PCDHGA2: variants seen among roughly 807,000 people sequenced by gnomAD.
PCDHGA2 encodes protocadherin gamma-A2.
Under a neutral mutation model 59.2 loss-of-function variants are expected in PCDHGA2, and 40 were observed. The ratio of observed to expected loss-of-function variants is 0.68; its 90% CI spans 0.52 to 0.88. The LOEUF (loss-of-function observed/expected upper bound fraction) is 0.88. Ranked by LOEUF, PCDHGA2 falls within the 40% of genes least tolerant of loss-of-function variation. The probability of loss-of-function intolerance (pLI) is 0.00; values close to 1 mark genes in which losing one functional copy is unlikely to be tolerated. For missense variants in PCDHGA2, 1,226 were observed against 1,204.0 expected (o/e 1.02, Z -0.27); for synonymous variants, 560 against 526.0 (o/e 1.06, Z -0.89).
At chr5:141,403,674 T>C in intron 1 of PCDHGA2, 2 of 1,613,812 alleles carry the variant, frequency 1.2e-6, no homozygotes, top group South Asian at 2.2e-5. Flanking sequence ...AATGCCCCGG[T>C]TTTTGCTCAA....
intron 1 of PCDHGA2, chr5:141,403,617 G>C: frequency 6.2e-7 from 1 of 1,613,856 alleles, no homozygotes; most frequent in Non-Finnish European, 8.5e-7. Flanking sequence ...GAGCCGCGTC[G>C]CTCCAGCACA....
chr5:141,377,940 A>G (rs112263014), intron 1 of PCDHGA2: 1 of 152,188 alleles, frequency 6.6e-6, no homozygotes, highest in Non-Finnish European at 1.5e-5. Context: ...TGCTGCTTAT[A>G]GAGTGTGTAT....
Position 141,431,354 on chromosome 5 carries a change from G to GCC in PCDHGA2, c.2425-63451_2425-63450dup. The GCC allele has an allele frequency of 6.2e-7, 1 of 1,614,036 alleles. No individual in the cohort carries two copies. Among genetic ancestry groups the GCC allele is most frequent in the African/African-American group, 1.3e-5 (1 of 75,052 alleles). On this transcript the variant is annotated intron_variant, in intron 1 of 3. Transcript: ENST00000394576. This position sits in a 1 kb window ranked among gnomAD's most constrained non-coding sequence, Gnocchi z 4.8. Reference sequence around the variant, plus strand: ...GTACCCCGAATTGGTGCTGAAACGCGCCCTGGACCGCGAAGAAAAGGCTGC... The same window carrying GCC: ...GTACCCCGAATTGGTGCTGAAACGCGCCCCCTGGACCGCGAAGAAAAGGCTGC...
chr5:141,366,266 G>C (rs1014933070), intron 1 of PCDHGA2: 8 of 1,613,680 alleles, frequency 5.0e-6, no homozygotes, highest in Non-Finnish European at 6.8e-6. Flanking sequence ...CGTGGTGGCC[G>C]TCGAAGACCA....
chr5:141,376,374 G>T lies in PCDHGA2; in HGVS notation c.2424+34979G>T, dbSNP rs561821467. Reference sequence around the variant, plus strand: ...GAGGTCTCACTCACTGCAGACTCGCGTAAGAGTCATCTGATTTTCCCCCAG... The same window carrying T: ...GAGGTCTCACTCACTGCAGACTCGCTTAAGAGTCATCTGATTTTCCCCCAG... On this transcript the variant is annotated intron_variant, in intron 1 of 3. Transcript: ENST00000394576. The T allele has an allele frequency of 2.0e-5, 32 of 1,614,190 alleles. No homozygotes were observed. In the African/African-American group the frequency reaches 3.2e-4, roughly 16 times the overall value.
rs760017836 is a variant in PCDHGA2, at chr5:141,432,060, C to G, written c.2425-62747C>G. 1.2e-6 allele frequency: 2 copies of G among 1,614,200 alleles called. No homozygotes were observed. The highest frequency in any genetic ancestry group is 1.7e-6 in the Non-Finnish European group (2 of 1,180,048). ...GACCGGGGAACCCCGCCCCTATCCACGGAAACTCATATCTCGCTGAACGTG... is the reference window on the plus strand; with the variant it reads ...GACCGGGGAACCCCGCCCCTATCCAGGGAAACTCATATCTCGCTGAACGTG... On this transcript the variant is annotated intron_variant, in intron 1 of 3. Coordinates refer to ENST00000394576, the MANE Select transcript of PCDHGA2 (RefSeq NM_018915.4). The surrounding 1 kb of genome is among the most constrained non-coding windows in gnomAD (Gnocchi z 6.0).
intron 1 of PCDHGA2, chr5:141,360,053 A>G: frequency 6.9e-7 from 1 of 1,439,336 alleles, no homozygotes; most frequent in Non-Finnish European, 9.2e-7. Flanking sequence ...AAACAAAAGC[A>G]GGAAAAGTGA....
intron 3 of PCDHGA2, among the ~76,000 whole-genome samples, chr5:141,509,952 C>T (rs954730777): frequency 7.2e-5 from 11 of 152,186 alleles, no homozygotes; most frequent in African/African-American, 2.2e-4. Flanking sequence ...CAAATGCTAC[C>T]GGGTATGGCC....
Position 141,451,083 on chromosome 5 carries a change from C to T in PCDHGA2, c.2425-43724C>T, listed in dbSNP as rs192869194. On this transcript the variant is annotated intron_variant, in intron 1 of 3. Coordinates refer to ENST00000394576, the MANE Select transcript of PCDHGA2 (RefSeq NM_018915.4). The stretch of plus-strand genomic sequence containing the variant: ...GACCTTGTGATCCACCCACCTTGAC[C>T]TCCCAAAGTGTTGGGATTACAGGCG... 4.9e-4 allele frequency among the ~76,000 whole-genome samples: 75 copies of T among 152,174 alleles called. 3 individuals carry two copies. In the East Asian group the frequency reaches 0.014, roughly 29 times the overall value.
Position 141,431,698 on chromosome 5 carries a change from A to ATTC in PCDHGA2, c.2425-63107_2425-63105dup. 6.2e-7 allele frequency: 1 copy of ATTC among 1,614,222 alleles called. No homozygotes were observed. Among genetic ancestry groups the ATTC allele is most frequent in the Non-Finnish European group, 8.5e-7 (1 of 1,180,036 alleles). The stretch of plus-strand genomic sequence containing the variant: ...GGGAGTTGGACCACGAGGAGTCAGG[A>ATTC]TTCTACCAGATGGAAGTGCAAGCAA... On this transcript the variant is annotated intron_variant, in intron 1 of 3. Coordinates refer to ENST00000394576, the MANE Select transcript of PCDHGA2 (RefSeq NM_018915.4). This position sits in a 1 kb window ranked among gnomAD's most constrained non-coding sequence, Gnocchi z 4.8.
intron 1 of PCDHGA2, among the ~76,000 whole-genome samples, chr5:141,448,316 T>C (rs1042171540): frequency 6.6e-6 from 1 of 152,174 alleles, no homozygotes; most frequent in Non-Finnish European, 1.5e-5. Flanking sequence ...AGGAATCTTT[T>C]CTTTGAATCT....
chr5:141,397,199 T>G (rs1317536621), intron 1 of PCDHGA2, among the ~76,000 whole-genome samples: 1 of 152,156 alleles, frequency 6.6e-6, no homozygotes, highest in African/African-American at 2.4e-5. Context: ...GTAAAAGATA[T>G]GACATAAGAG....
intron 1 of PCDHGA2, chr5:141,427,447 T>A (rs556527924): frequency 1.9e-4 from 92 of 483,324 alleles, no homozygotes; most frequent in African/African-American, 1.4e-3. Context: ...AACGAAAGAG[T>A]TCCTTTTAGA....
Position 141,469,939 on chromosome 5 carries a change from T to G in PCDHGA2, c.2425-24868T>G, listed in dbSNP as rs1376169822. Among the ~76,000 whole-genome samples, 3 of 152,186 alleles carry G rather than the reference T, an allele frequency of 2.0e-5. No individual in the cohort carries two copies. The East Asian group carries it at 5.8e-4, about 29-fold the overall frequency. On this transcript the variant is annotated intron_variant, in intron 1 of 3. Transcript: ENST00000394576. ...CGAGGTCAGGAGTTTGAGACCAGCC[T>G]GGCCAGCATGGTGAAACCCCATCTG...
rs200625256 is a variant in PCDHGA2 at position 141,477,009 on chromosome 5, A to G, written c.2425-17798A>G. 7.5e-5 allele frequency: 121 copies of G among 1,614,064 alleles called. No homozygotes were observed. Among genetic ancestry groups the G allele is most frequent in the Non-Finnish European group, 9.2e-5 (109 of 1,180,028 alleles). On this transcript the variant is annotated intron_variant, in intron 1 of 3. Transcript: ENST00000394576. This position sits in a 1 kb window ranked among gnomAD's most constrained non-coding sequence, Gnocchi z 4.9. The stretch of plus-strand genomic sequence containing the variant: ...GGCGTGCGGCAACTATTCGCCTTAG[A>G]CCTTGTAACCGGGATGCTGACAATC...
chr5:141,429,379 T>G (rs573911129), intron 1 of PCDHGA2, among the ~76,000 whole-genome samples: 5 of 151,382 alleles, frequency 3.3e-5, no homozygotes, highest in East Asian at 1.9e-4. Context: ...GAAAATGTGT[T>G]TTTTTTTTAA....
chr5:141,376,263 C>T (rs1348716434), intron 1 of PCDHGA2: 1 of 1,614,226 alleles, frequency 6.2e-7, no homozygotes, highest in South Asian at 1.1e-5. Flanking sequence ...CTGCTGCAGG[C>T]TTCGGGAGGT....
At chr5:141,375,775 C>A (rs1425476236) in intron 1 of PCDHGA2, 2 of 1,614,240 alleles carry the variant, frequency 1.2e-6, no homozygotes, top group East Asian at 2.2e-5. Flanking sequence ...AGATCCTGTA[C>A]CCCGCCCTCC....
chr5:141,420,956 T>C lies in PCDHGA2; in HGVS notation c.2425-73851T>C, dbSNP rs17097281. 2.2e-3 allele frequency: 904 copies of C among 416,864 alleles called. 5 individuals carry two copies. The highest frequency in any genetic ancestry group is 0.016 in the African/African-American group (760 of 48,560). 25.8% of individuals were successfully genotyped at this position (416,864 alleles called of 1,614,324 possible). A position where few individuals can be genotyped will look rare whatever the true frequency, so the allele number is the denominator to read the frequency against. Reference sequence around the variant, plus strand: ...AATCATTTCTTCTGGAATTTCTTAGTCGTTGCAATAATAAGAATGGGCTCT... The same window carrying C: ...AATCATTTCTTCTGGAATTTCTTAGCCGTTGCAATAATAAGAATGGGCTCT... On this transcript the variant is annotated intron_variant, in intron 1 of 3. Coordinates refer to ENST00000394576, the MANE Select transcript of PCDHGA2 (RefSeq NM_018915.4).
Sources: allele counts gnomAD v4.1 joint callset (sites outside exome capture counted in the v4.1 genomes callset), GRCh38; gene constraint gnomAD v4.1.1; non-coding constraint Gnocchi (gnomAD v3.1); transcripts MANE v1.5; gene names NCBI Gene and HGNC (gene_info 2026-07-23, HGNC 2026-07-21).